The following VPS13B variants were observed in gnomAD, a reference collection of about 807,000 sequenced individuals.
VPS13B encodes intermembrane lipid transfer protein VPS13B.
Under a neutral mutation model 426.4 loss-of-function variants are expected in VPS13B, and 285 were observed. The observed-to-expected ratio is 0.67, with a 90% CI of 0.61 to 0.74. The LOEUF is 0.74. VPS13B is among the 30% of genes least tolerant of loss of function. VPS13B has a pLI of 0.00. For synonymous variants in VPS13B, 1,676 were observed against 1,676.4 expected, an observed-to-expected ratio of 1.00 and a Z score of 0.01; for missense variants, 4,537 against 4,782.6, an observed-to-expected ratio of 0.95 and a Z score of 1.51.
In VPS13B at chr8:99,642,022, C is replaced by G; in HGVS notation, c.5432C>G (p.Pro1811Arg). ...ATTGTAAAAAATCTAAATTTTATTC[C>G]CTTTGACATATTTATTACTGCAAGT... ...SSIVKNLNFI[P>R]FDIFITASRI... The change falls in exon 34 of 62, where the codon CCC (proline) becomes CGC (arginine). Residue 1811 changes from proline (P) to arginine (R), a missense_variant. Physicochemically the swap from Pro to Arg is moderately radical, Grantham distance 103 (BLOSUM62 -2). Coordinates refer to ENST00000357162, the MANE Select transcript of VPS13B (RefSeq NM_152564.5). 1.2e-6 allele frequency: 2 copies of G among 1,614,030 alleles called. No homozygotes were observed. The highest frequency in any genetic ancestry group is 1.7e-6 in the Non-Finnish European group (2 of 1,179,976).
chr8:99,081,018 T>A (rs763357034), intron 3 of VPS13B, among the ~76,000 whole-genome samples: 8 of 152,206 alleles, frequency 5.3e-5, no homozygotes, highest in Non-Finnish European at 8.8e-5. Context: ...AAGCATTGCT[T>A]ATTTCGTTTT....
chr8:99,042,085 T>C (rs1018039544), intron 3 of VPS13B, among the ~76,000 whole-genome samples: 1 of 147,842 alleles, frequency 6.8e-6, no homozygotes, highest in Non-Finnish European at 1.5e-5. Flanking sequence ...GGTTGTGGTG[T>C]GCAGAGGCCG....
At chr8:99,408,912 A>G (rs1383469354) in intron 21 of VPS13B, among the ~76,000 whole-genome samples, 1 of 152,186 alleles carries the variant, frequency 6.6e-6, no homozygotes, top group Non-Finnish European at 1.5e-5. Context: ...ACTGTGTTTT[A>G]AGGATGTGGA....
At chr8:99,106,470 CAAACA>C (rs1847056068) in intron 5 of VPS13B, among the ~76,000 whole-genome samples, 1 of 133,096 alleles carries the variant, frequency 7.5e-6, no homozygotes, top group Non-Finnish European at 1.6e-5. Flanking sequence ...AACAAACAAA[CAAACA>C]AAAAACCCAT....
At chr8:99,552,264 T>C (rs1021092523) in intron 30 of VPS13B, among the ~76,000 whole-genome samples, 1 of 152,086 alleles carries the variant, frequency 6.6e-6, no homozygotes, top group African/African-American at 2.4e-5. Context: ...TTATATTTTA[T>C]GTTTGCTAGT....
At chr8:99,401,770 G>T (rs957476540) in intron 21 of VPS13B, among the ~76,000 whole-genome samples, 1 of 152,182 alleles carries the variant, frequency 6.6e-6, no homozygotes, top group Non-Finnish European at 1.5e-5. Context: ...GGAGGCTGAG[G>T]CAGGAGAATT....
At chr8:99,639,752 C>T (rs1431562103) in intron 33 of VPS13B, among the ~76,000 whole-genome samples, 1 of 148,826 alleles carries the variant, frequency 6.7e-6, no homozygotes, top group Non-Finnish European at 1.5e-5. Flanking sequence ...AGGAGGATTG[C>T]TTGAGGCCAG....
Position 99,023,487 on chromosome 8 carries a change from C to CT in VPS13B, c.147+9564dup, listed in dbSNP as rs1280881092. Among the ~76,000 whole-genome samples the CT allele has an allele frequency of 1.5e-3, 220 of 143,400 alleles. 1 individual carries two copies. Among genetic ancestry groups the CT allele is most frequent in the East Asian group, 4.6e-3 (23 of 5,002 alleles). The allele number at this position is 143,400 out of a possible 152,430, so 94.1% of individuals were successfully genotyped here. On this transcript the variant is annotated intron_variant, in intron 2 of 61. Coordinates refer to ENST00000357162, the MANE Select transcript of VPS13B (RefSeq NM_152564.5). ...ACATTTTCTTTTCTTTCTTTCTTTTCTTTTTTTTTTTTGAGATGGAGTCTT... is the reference window on the plus strand; with the variant it reads ...ACATTTTCTTTTCTTTCTTTCTTTTCTTTTTTTTTTTTTGAGATGGAGTCTT...
intron 3 of VPS13B, among the ~76,000 whole-genome samples, chr8:99,039,680 A>T (rs1842891516): frequency 6.6e-6 from 1 of 152,072 alleles, no homozygotes; most frequent in South Asian, 2.1e-4. Flanking sequence ...TCTAAATGTA[A>T]CTTTAATCTT....
intron 43 of VPS13B, among the ~76,000 whole-genome samples, chr8:99,794,309 GGAGA>G (rs1410997059): frequency 6.6e-6 from 1 of 152,162 alleles, no homozygotes; most frequent in African/African-American, 2.4e-5. Context: ...GCATTCCCAA[GGAGA>G]GAGTGCTAAG....
chr8:99,443,432 C>G (rs117217427), intron 23 of VPS13B, among the ~76,000 whole-genome samples: 3,205 of 152,170 alleles, frequency 0.021, 46 homozygotes, highest in Admixed American at 0.037. Context: ...CTCCTTTTCT[C>G]TATACTGAAA....
intron 19 of VPS13B, among the ~76,000 whole-genome samples, chr8:99,360,148 TTC>T (rs1379926053): frequency 9.0e-5 from 3 of 33,416 alleles, no homozygotes; most frequent in East Asian, 1.4e-3. Context: ...CTTTCTTTCT[TTC>T]TTTCTTTCTT....
At chr8:99,424,455 G>A (rs1460235773) in intron 21 of VPS13B, 2 of 152,122 alleles carry the variant, frequency 1.3e-5, no homozygotes, top group Non-Finnish European at 1.5e-5. Flanking sequence ...GCTCCTGAAT[G>A]ATTACTGGGT....
At chr8:99,108,205 C>T (rs1210684315) in intron 5 of VPS13B, among the ~76,000 whole-genome samples, 2 of 152,096 alleles carry the variant, frequency 1.3e-5, no homozygotes, top group African/African-American at 4.8e-5. Flanking sequence ...ATGTAGTATT[C>T]GATGGTGGAT....
intron 36 of VPS13B, among the ~76,000 whole-genome samples, chr8:99,712,967 T>G (rs1019787368): frequency 1.3e-5 from 2 of 152,102 alleles, no homozygotes; most frequent in African/African-American, 4.8e-5. Context: ...GGTAGGCACT[T>G]TGCAAGTGAT....
intron 3 of VPS13B, among the ~76,000 whole-genome samples, chr8:99,092,287 C>A (rs1846192841): frequency 6.6e-6 from 1 of 152,082 alleles, no homozygotes; most frequent in Non-Finnish European, 1.5e-5. Flanking sequence ...TATGTGGTCC[C>A]CAAGAGAAAA....
intron 2 of VPS13B, among the ~76,000 whole-genome samples, chr8:99,032,999 A>G (rs1000817859): frequency 6.6e-6 from 1 of 152,122 alleles, no homozygotes; most frequent in Non-Finnish European, 1.5e-5. Flanking sequence ...TGTCACATAT[A>G]TTGCATCTTG....
intron 43 of VPS13B, among the ~76,000 whole-genome samples, chr8:99,807,419 T>A (rs1172736084): frequency 2.0e-5 from 3 of 146,944 alleles, no homozygotes; most frequent in Non-Finnish European, 4.5e-5. Flanking sequence ...CCTTGCCTCA[T>A]TATTTTTTTT....
chr8:99,031,559 T>C (rs997128873), intron 2 of VPS13B, among the ~76,000 whole-genome samples: 2 of 152,212 alleles, frequency 1.3e-5, no homozygotes, highest in African/African-American at 4.8e-5. Flanking sequence ...GAAAAAACTT[T>C]TTCCTGTAGA....
Sources: gnomAD v4.1 joint callset for allele counts (sites outside exome capture counted in the v4.1 genomes callset) on GRCh38, gnomAD v4.1.1 for gene constraint, MANE v1.5 for transcripts, NCBI Gene and HGNC (gene_info 2026-07-23, HGNC 2026-07-21) for gene names.